Variants in GSTM5 observed in about 807,000 individuals in gnomAD.
GSTM5 encodes the protein glutathione S-transferase mu 5.
In GSTM5, 24 loss-of-function variants were observed where a neutral mutation model predicts 29.0. The observed-to-expected ratio is 0.83, with a 90% CI of 0.60 to 1.16. GSTM5 has a LOEUF of 1.16. Among genes scored for constraint, GSTM5 ranks in the 50% most tolerant of loss-of-function variants. The pLI is 0.00. For missense variants in GSTM5, 290 were observed against 263.0 expected, an observed-to-expected ratio of 1.10 and a Z score of -0.71; for synonymous variants, 91 against 93.6, an observed-to-expected ratio of 0.97 and a Z score of 0.16.
In GSTM5 at chr1:109,712,284, T is replaced by C. The variant is rs376393852; in HGVS notation, c.-29T>C. 2.5e-6 allele frequency: 4 copies of C among 1,613,636 alleles called. No homozygotes were observed. Among genetic ancestry groups the C allele is most frequent in the Admixed American group, 1.7e-5 (1 of 59,994 alleles). On this transcript the variant is annotated 5_prime_UTR_variant, in exon 1 of 8. Coordinates refer to ENST00000256593, the MANE Select transcript of GSTM5 (RefSeq NM_000851.4). ...GTCTGAGCCCCGCTCCGCTGATGCC[T>C]GTCTGCAGAATCCGCACCAACCAGC...
chr1:109,712,192 G>T (rs530235020), upstream of GSTM5: 4 of 1,063,788 alleles, frequency 3.8e-6, no homozygotes, highest in Non-Finnish European at 4.4e-6. Flanking sequence ...GCGTGTTTCG[G>T]GGTTGTGGCG....
rs184980302 is a variant in GSTM5 at position 109,715,874 on chromosome 1, G to C, written c.567+634G>C. The C allele has an allele frequency of 1.6e-5, 9 of 549,684 alleles. No homozygotes were observed. In the East Asian group the frequency reaches 4.9e-4, roughly 30 times the overall value. The allele number at this position is 549,684 out of a possible 1,614,324, so 34.1% of individuals were successfully genotyped here. On this transcript the variant is annotated intron_variant, in intron 7 of 7. Coordinates refer to ENST00000256593, the MANE Select transcript of GSTM5 (RefSeq NM_000851.4). Reference sequence around the variant, plus strand: ...GTGTGTGTTGAAGTGCTCTGTGCTGGGGCACTCTCCTTCTTTATCTTTCTT... The same window carrying C: ...GTGTGTGTTGAAGTGCTCTGTGCTGCGGCACTCTCCTTCTTTATCTTTCTT...
In GSTM5 at chr1:109,717,747, A is replaced by C; in HGVS notation, c.*321A>C. ...AGCCAGACTGATCTCTGAGCTCCCT[A>C]GCACTGTCCTCAAAGACCATCTGTA... On this transcript the variant is annotated 3_prime_UTR_variant, in exon 8 of 8. Transcript: ENST00000256593. 3.4e-6 allele frequency: 1 copy of C among 290,876 alleles called. No homozygotes were observed. Among genetic ancestry groups the C allele is most frequent in the South Asian group, 3.6e-5 (1 of 28,100 alleles). 18.0% of individuals were successfully genotyped at this position (290,876 alleles called of 1,614,324 possible).
intron 5 of GSTM5, chr1:109,714,410 T>C (rs1365705271): frequency 1.8e-5 from 3 of 168,326 alleles, no homozygotes; most frequent in Non-Finnish European, 3.9e-5. Context: ...CTCCTCAAAG[T>C]TTTCCAAGTG....
intron 5 of GSTM5, chr1:109,714,044 T>C (rs1648661181): frequency 3.9e-5 from 12 of 311,024 alleles, no homozygotes; most frequent in South Asian, 3.3e-4. Context: ...GAGTTTGGAT[T>C]TGGGGCCAGG....
intron 7 of GSTM5, chr1:109,715,935 C>G (rs1648730909): frequency 2.6e-5 from 22 of 833,620 alleles, no homozygotes; most frequent in Middle Eastern, 2.6e-4. Context: ...CCACGTCTTC[C>G]CCCTGTGAGA....
chr1:109,713,937 C>T, intron 5 of GSTM5, 176 bp downstream of exon 5: 3 of 477,958 alleles, frequency 6.3e-6, no homozygotes, highest in Non-Finnish European at 1.1e-5. Flanking sequence ...TTCTTGTGGA[C>T]ATTTTGGAGA....
chr1:109,713,895 AT>A, intron 5 of GSTM5, 134 bp downstream of exon 5: 1 of 448,446 alleles, frequency 2.2e-6, no homozygotes, highest in Non-Finnish European at 4.4e-6. Flanking sequence ...GTTCTCCAAA[AT>A]GTCCACACGA....
chr1:109,715,436 T>C, intron 7 of GSTM5, 196 bp downstream of exon 7: 1 of 1,541,704 alleles, frequency 6.5e-7, no homozygotes. Flanking sequence ...GGTGACAGAA[T>C]TATCTTGCCC....
chr1:109,717,721 A>G lies in GSTM5; in HGVS notation c.*295A>G. ...TGTCAGTGCTTTTCTCTTCTTTGAG[A>G]AGCCAGACTGATCTCTGAGCTCCCT... On this transcript the variant is annotated 3_prime_UTR_variant, in exon 8 of 8. Coordinates refer to ENST00000256593, the MANE Select transcript of GSTM5 (RefSeq NM_000851.4). 2 of 364,532 alleles carry G rather than the reference A, an allele frequency of 5.5e-6. No individual in the cohort carries two copies. Among genetic ancestry groups the G allele is most frequent in the Non-Finnish European group, 1.1e-5 (2 of 190,100 alleles). 22.6% of individuals were successfully genotyped at this position (364,532 alleles called of 1,614,324 possible).
intron 2 of GSTM5, 39 bp from the exon 3 acceptor site, chr1:109,713,080 G>A (rs778686057): frequency 6.2e-7 from 1 of 1,611,446 alleles, no homozygotes; most frequent in Admixed American, 1.7e-5. Context: ...GGAGGGCTGG[G>A]CTCTGGGGAG....
At chr1:109,712,407 G>T in intron 1 of GSTM5, 59 bp downstream of exon 1, 1 of 1,576,276 alleles carries the variant, frequency 6.3e-7, no homozygotes, top group South Asian at 1.1e-5. Context: ...GTGTGGAGTA[G>T]CTGCAGGACT....
chr1:109,717,541 T>A lies in GSTM5; in HGVS notation c.*115T>A. 1.4e-6 allele frequency: 1 copy of A among 739,122 alleles called. No homozygotes were observed. The highest frequency in any genetic ancestry group is 2.4e-6 in the Non-Finnish European group (1 of 412,800). The allele number at this position is 739,122 out of a possible 1,614,324, so 45.8% of individuals were successfully genotyped here. A position where few individuals can be genotyped will look rare whatever the true frequency, so the allele number is the denominator to read the frequency against. ...TCCTTTTTCCTTCTTTCTACTCTCT[T>A]CTCTTCCCCAAGGCCTCATTGGCTT... is the stretch of plus-strand genomic sequence containing the variant. On this transcript the variant is annotated 3_prime_UTR_variant, in exon 8 of 8. Coordinates refer to ENST00000256593, the MANE Select transcript of GSTM5 (RefSeq NM_000851.4).
intron 7 of GSTM5, chr1:109,716,561 G>C (rs1648754366): frequency 6.5e-6 from 1 of 152,872 alleles, no homozygotes; most frequent in Non-Finnish European, 1.5e-5. Context: ...GATGTGATGG[G>C]GGCACAGGGA....
Position 109,715,241 on chromosome 1 carries a change from G to T in GSTM5, c.567+1G>T. On this transcript the variant is annotated splice_donor_variant, in intron 7 of 7. Transcript: ENST00000256593. LOFTEE classifies it high-confidence loss of function. ...GAAGGACTTCATCTCCCGCTTTGAG[G>T]TGATGCCCCCATCCTCCTTTCTCTT... The T allele has an allele frequency of 6.2e-7, 1 of 1,614,224 alleles. No individual in the cohort carries two copies. Among genetic ancestry groups the T allele is most frequent in the Non-Finnish European group, 8.5e-7 (1 of 1,180,044 alleles).
At chr1:109,714,801 T>A in intron 5 of GSTM5, 146 bp from the exon 6 acceptor site, 2 of 750,662 alleles carry the variant, frequency 2.7e-6, no homozygotes, top group South Asian at 1.6e-5. Context: ...ATGTATCCAA[T>A]TGAAGCCTGG....
At chr1:109,715,372 G>A (rs1372929433) in intron 7 of GSTM5, 132 bp downstream of exon 7, 7 of 1,590,634 alleles carry the variant, frequency 4.4e-6, no homozygotes, top group Non-Finnish European at 6.0e-6. Flanking sequence ...CAGGAATCAT[G>A]CCCAGCACAT....
chr1:109,712,643 T>C lies in GSTM5; in HGVS notation c.62T>C (p.Leu21Pro). 1.2e-6 allele frequency: 2 copies of C among 1,614,158 alleles called. No homozygotes were observed. Among genetic ancestry groups the C allele is most frequent in the Non-Finnish European group, 8.5e-7 (1 of 1,180,006 alleles). ...RGLAHAIRLL[L>P]EYTDSSYVEK... ...CTGGCCCACGCCATCCGCTTGCTCC[T>C]GGAATACACAGACTCAAGCTATGTG... The change falls in exon 2 of 8, where the codon CTG (leucine) becomes CCG (proline). Residue 21 changes from leucine to proline, a missense_variant. Coordinates refer to ENST00000256593, the MANE Select transcript of GSTM5 (RefSeq NM_000851.4).
chr1:109,713,807 G>A (rs1357032326), intron 5 of GSTM5, 46 bp downstream of exon 5: 1 of 1,558,220 alleles, frequency 6.4e-7, no homozygotes, highest in Non-Finnish European at 8.8e-7. Context: ...CCTGCCTTTT[G>A]GCCCAGACCA....
Sources: gnomAD v4.1 joint callset for allele counts on GRCh38, gnomAD v4.1.1 for gene constraint, MANE v1.5 for transcripts, NCBI Gene and HGNC (gene_info 2026-07-23, HGNC 2026-07-21) for gene names.